NSG1: variants seen among roughly 807,000 people sequenced by gnomAD.
NSG1 encodes neuronal vesicle trafficking associated 1, also known as neuronal vesicle trafficking-associated protein 1.
Under a neutral mutation model 19.3 loss-of-function variants are expected in NSG1, and 9 were observed. The ratio of observed to expected loss-of-function variants is 0.47; its 90% CI spans 0.28 to 0.81. The LOEUF (loss-of-function observed/expected upper bound fraction) is 0.81, where lower values mean the gene tolerates loss of function less well. NSG1 is among the 40% of genes least tolerant of loss of function. The pLI, the probability that NSG1 is intolerant of heterozygous loss-of-function variation, is 0.11. For synonymous variants in NSG1, 104 were observed against 107.0 expected, an observed-to-expected ratio of 0.97 and a Z score of 0.17; for missense variants, 236 against 242.4, an observed-to-expected ratio of 0.97 and a Z score of 0.18.
chr4:4,393,076 C>G lies in NSG1; in HGVS notation c.246+1485C>G, dbSNP rs116470618. On this transcript the variant is annotated intron_variant, in intron 3 of 4. Coordinates refer to ENST00000621129, the MANE Select transcript of NSG1 (RefSeq NM_014392.5). ...TTTGCACCCTGGGTTTGGCTGCTGT[C>G]CCTGGTTGAGGCAGGAGTGGCCTTG... 7.1e-3 allele frequency among the ~76,000 whole-genome samples: 1,081 copies of G among 152,236 alleles called. 7 individuals are homozygous for G. The highest frequency in any genetic ancestry group is 0.024 in the African/African-American group (1,010 of 41,528).
chr4:4,396,537 C>A (rs944104583), intron 3 of NSG1, among the ~76,000 whole-genome samples: 2 of 152,182 alleles, frequency 1.3e-5, no homozygotes, highest in African/African-American at 4.8e-5. Context: ...AGTGACTTGG[C>A]AGGAGAGCCC....
chr4:4,389,309 A>G (rs1722884669), intron 2 of NSG1, among the ~76,000 whole-genome samples: 1 of 152,202 alleles, frequency 6.6e-6, no homozygotes, highest in Non-Finnish European at 1.5e-5. Context: ...CAGCTCGGAA[A>G]GGTGATGAGT....
chr4:4,415,461 G>A (rs1244253403), intron 4 of NSG1, among the ~76,000 whole-genome samples: 1 of 152,100 alleles, frequency 6.6e-6, no homozygotes, highest in Non-Finnish European at 1.5e-5. Context: ...GGTATGGGGG[G>A]CGGCAGGAGC....
At chr4:4,415,179 G>C (rs1164801102) in intron 4 of NSG1, among the ~76,000 whole-genome samples, 5 of 152,102 alleles carry the variant, frequency 3.3e-5, no homozygotes, top group Non-Finnish European at 7.4e-5. Flanking sequence ...AAAGTGCTGG[G>C]ATTATAGGCA....
intron 3 of NSG1, among the ~76,000 whole-genome samples, chr4:4,403,860 TTTTGG>T (rs1473487921): frequency 1.3e-5 from 2 of 152,032 alleles, no homozygotes; most frequent in African/African-American, 2.4e-5. Context: ...AATGGTAGTG[TTTTGG>T]TGTGAGAGTA....
At position 4,414,962 on chromosome 4, in the gene NSG1, AAC is replaced by A. The variant is rs750198043; in HGVS notation, c.358-2271_358-2270del. 5.1e-3 allele frequency among the ~76,000 whole-genome samples: 716 copies of A among 141,528 alleles called. 1 individual carries two copies. Among genetic ancestry groups the A allele is most frequent in the African/African-American group, 5.7e-3 (201 of 35,354 alleles). The allele number at this position is 141,528 out of a possible 152,430, so 92.8% of individuals were successfully genotyped here. On this transcript the variant is annotated intron_variant, in intron 4 of 4. Transcript: ENST00000621129. ...TCTACCTCTGCCTTTAAAAAAAAAC[AAC>A]AACAACATGAAATTACTACATGTTT...
At chr4:4,409,250 C>T (rs1377161020) in intron 3 of NSG1, among the ~76,000 whole-genome samples, 3 of 152,282 alleles carry the variant, frequency 2.0e-5, no homozygotes, top group Non-Finnish European at 4.4e-5. Flanking sequence ...ACACATGTGT[C>T]TTAGTGGCCC....
At chr4:4,397,889 A>C (rs4420924) in intron 3 of NSG1, among the ~76,000 whole-genome samples, 105,706 of 152,016 alleles carry the variant, frequency 0.7, 38,100 homozygotes, top group East Asian at 0.97. Flanking sequence ...TTGTCAGCAC[A>C]CCCACAATAG....
At chr4:4,397,257 C>T (rs1183195758) in intron 3 of NSG1, among the ~76,000 whole-genome samples, 2 of 152,054 alleles carry the variant, frequency 1.3e-5, no homozygotes, top group Non-Finnish European at 2.9e-5. Context: ...CACCCAGCGC[C>T]GTCGACCTGG....
chr4:4,394,888 C>T (rs557146242), intron 3 of NSG1, among the ~76,000 whole-genome samples: 5 of 152,324 alleles, frequency 3.3e-5, no homozygotes, highest in East Asian at 3.9e-4. Flanking sequence ...CATGCTTACG[C>T]GTAAGCCTCT....
chr4:4,387,561 C>CGGGGGTGGGGGTG, intron 1 of NSG1, 43 bp from the exon 2 acceptor site: 5 of 1,141,982 alleles, frequency 4.4e-6, no homozygotes, highest in East Asian at 2.7e-5. Flanking sequence ...CGCCCCGCCC[C>CGGGGGTGGGGGTG]GGGTCTTGCT....
chr4:4,397,901 T>A (rs1242857169), intron 3 of NSG1, among the ~76,000 whole-genome samples: 1 of 152,158 alleles, frequency 6.6e-6, no homozygotes, highest in Non-Finnish European at 1.5e-5. Flanking sequence ...CCACAATAGT[T>A]TGCGACACCA....
intron 3 of NSG1, 110 bp from the exon 4 acceptor site, chr4:4,409,463 A>C: frequency 1.5e-4 from 116 of 794,446 alleles, no homozygotes; most frequent in Non-Finnish European, 1.9e-4. Flanking sequence ...AGGTTCTTCC[A>C]GAGATAGTCT....
At chr4:4,406,108 A>C (rs1723839582) in intron 3 of NSG1, among the ~76,000 whole-genome samples, 1 of 151,890 alleles carries the variant, frequency 6.6e-6, no homozygotes, top group Non-Finnish European at 1.5e-5. Context: ...GCTCACTGCA[A>C]CCTCCACCTC....
intron 1 of NSG1, 43 bp from the exon 2 acceptor site, chr4:4,387,561 C>CCCGGGGGGGG: frequency 8.8e-7 from 1 of 1,141,990 alleles, no homozygotes; most frequent in Non-Finnish European, 1.2e-6. Context: ...CGCCCCGCCC[C>CCCGGGGGGGG]GGGTCTTGCT....
At chr4:4,411,625 T>C (rs1447156036) in intron 4 of NSG1, among the ~76,000 whole-genome samples, 2 of 152,120 alleles carry the variant, frequency 1.3e-5, no homozygotes, top group Non-Finnish European at 2.9e-5. Context: ...GTGCCTGTAA[T>C]CCCAGCTACT....
intron 4 of NSG1, among the ~76,000 whole-genome samples, chr4:4,413,072 C>CA (rs11459478): frequency 0.16 from 23,909 of 152,106 alleles, 2,028 homozygotes; most frequent in African/African-American, 0.2. Flanking sequence ...CAGGCATGTA[C>CA]ATGGCACCCA....
intron 4 of NSG1, among the ~76,000 whole-genome samples, 174 bp from the exon 5 acceptor site, chr4:4,417,061 G>T (rs1054800918): frequency 1.3e-5 from 2 of 152,156 alleles, no homozygotes; most frequent in African/African-American, 2.4e-5. Context: ...TCAAGGCCAG[G>T]CTTCCCCTGT....
At chr4:4,392,529 C>T (rs1442631030) in intron 3 of NSG1, among the ~76,000 whole-genome samples, 1 of 152,176 alleles carries the variant, frequency 6.6e-6, no homozygotes, top group African/African-American at 2.4e-5. Flanking sequence ...GGTATGGCAT[C>T]ATATTGGATC....
Sources: gnomAD v4.1 joint callset for allele counts (sites outside exome capture counted in the v4.1 genomes callset) on GRCh38, gnomAD v4.1.1 for gene constraint, MANE v1.5 for transcripts, NCBI Gene and HGNC (gene_info 2026-07-23, HGNC 2026-07-21) for gene names.